Variants in POLRMT observed in about 807,000 individuals in gnomAD.
POLRMT encodes RNA polymerase mitochondrial, also known as DNA-directed RNA polymerase, mitochondrial.
A neutral mutation model predicts 132.2 loss-of-function variants in POLRMT; 114 were observed. The observed-to-expected ratio is 0.86, with a 90% CI of 0.74 to 1.01. The LOEUF (loss-of-function observed/expected upper bound fraction) is 1.01, where lower values mean the gene tolerates loss of function less well. Among genes scored for constraint, POLRMT ranks in the 50% least tolerant of loss-of-function variants. The probability of loss-of-function intolerance (pLI) is 0.00; values close to 1 mark genes in which losing one functional copy is unlikely to be tolerated. For missense variants in POLRMT, 2,003 were observed against 1,729.1 expected, an observed-to-expected ratio of 1.16 and a Z score of -2.81; for synonymous variants, 1,020 against 773.4, an observed-to-expected ratio of 1.32 and a Z score of -5.29.
chr19:622,782 G>GT, intron 7 of POLRMT, 30 bp from the exon 8 acceptor site: 1 of 1,565,552 alleles, frequency 6.4e-7, no homozygotes, highest in Non-Finnish European at 8.6e-7. Flanking sequence ...GTGCCTGCCC[G>GT]CCCCGCCCGG....
chr19:618,607 G>A (rs371095580), intron 16 of POLRMT, 21 bp from the exon 17 acceptor site: 47 of 1,602,948 alleles, frequency 2.9e-5, no homozygotes, highest in African/African-American at 1.7e-4. Flanking sequence ...AACAGGTGCC[G>A]GTGGGGGCGG....
rs1030107696 is a variant in POLRMT at position 622,765 on chromosome 19, G to A, written c.1456-13C>T. 4 of 1,574,394 alleles carry A rather than the reference G, an allele frequency of 2.5e-6. No homozygotes were observed. In the South Asian group the frequency reaches 3.5e-5, roughly 14 times the overall value. The stretch of plus-strand genomic sequence containing the variant: ...GCGCCTGCAGGACCTGCGGAAGGCA[G>A]CCGTGAGTGCCTGCCCGCCCCGCCC... On this transcript the variant is annotated splice_polypyrimidine_tract_variant and intron_variant, in intron 7 of 20. Coordinates refer to ENST00000588649, the MANE Select transcript of POLRMT (RefSeq NM_005035.4).
At chr19:627,150 T>A (rs951194050) in intron 3 of POLRMT, among the ~76,000 whole-genome samples, 1 of 88,786 alleles carries the variant, frequency 1.1e-5, no homozygotes, top group African/African-American at 4.9e-5. Flanking sequence ...TTTGGGGCAT[T>A]TTTTTTTTTT....
In POLRMT at chr19:633,398, C is replaced by G. The variant is rs899051340; in HGVS notation, c.88+27G>C. On this transcript the variant is annotated intron_variant, in intron 1 of 20. Transcript: ENST00000588649. ...AGGAGCCCACGCCGTGGCCCCCGGG[C>G]TGCCTGGCCGTCTCCCTTTGTGTTA... The G allele has an allele frequency of 7.4e-6, 11 of 1,495,052 alleles. No homozygotes were observed. In the African/African-American group the frequency reaches 1.6e-4, roughly 22 times the overall value. 92.6% of individuals were successfully genotyped at this position (1,495,052 alleles called of 1,614,324 possible). A position where few individuals can be genotyped will look rare whatever the true frequency, so the allele number is the denominator to read the frequency against.
Position 617,607 on chromosome 19 carries a change from C to T in POLRMT, c.3544G>A (p.Asp1182Asn), listed in dbSNP as rs1171250017. The change falls in exon 19 of 21, where the codon GAC becomes AAC. Residue 1182 changes from aspartate to asparagine, a missense_variant. By Grantham distance (23) the Asp-to-Asn change is conservative. Transcript: ENST00000588649. ...CGCTTGACCAGGAATCTGGACAGGT[C>T]CTGCAGGATGGGCTCGCTGTGCAAG... Reference protein sequence around the residue: ...VRLHSEPILQDLSRFLVKRFC... With the variant: ...VRLHSEPILQNLSRFLVKRFC... The T allele has an allele frequency of 6.2e-7, 1 of 1,612,318 alleles. No individual in the cohort carries two copies. The highest frequency in any genetic ancestry group is 8.5e-7 in the Non-Finnish European group (1 of 1,179,988).
chr19:629,946 C>G lies in POLRMT; in HGVS notation c.416G>C (p.Arg139Pro). ...TGGCATCTGCAGCTTCGCCTTCAACCGCTGCATACGCATCTGCTGGGTCCG... is the reference window on the plus strand; with the variant it reads ...TGGCATCTGCAGCTTCGCCTTCAACGGCTGCATACGCATCTGCTGGGTCCG... ...DKRTQQMRMQRLKAKLQMPFQ... is the reference protein window; with the variant it reads ...DKRTQQMRMQPLKAKLQMPFQ... The change falls in exon 3 of 21, where the codon CGG becomes CCG. Residue 139 changes from arginine to proline, a missense_variant. Coordinates refer to ENST00000588649, the MANE Select transcript of POLRMT (RefSeq NM_005035.4). 1 of 1,613,742 alleles carries G rather than the reference C, an allele frequency of 6.2e-7. No individual in the cohort carries two copies. The highest frequency in any genetic ancestry group is 1.1e-5 in the South Asian group (1 of 91,070).
Position 625,458 on chromosome 19 carries a change from C to A in POLRMT, c.823-204G>T. On this transcript the variant is annotated intron_variant, in intron 3 of 20. Transcript: ENST00000588649. ...CTGCAGAGGCAGCCGCATGGCCCGC[C>A]AGGTGGGACTGTGGGAGGTTCACGT... 2 of 596,550 alleles carry A rather than the reference C, an allele frequency of 3.4e-6. 1 individual carries two copies. The highest frequency in any genetic ancestry group is 4.9e-5 in the South Asian group (2 of 40,444). 37.0% of individuals were successfully genotyped at this position (596,550 alleles called of 1,614,324 possible). A position where few individuals can be genotyped will look rare whatever the true frequency, so the allele number is the denominator to read the frequency against.
chr19:633,085 GAC>G lies in POLRMT; in HGVS notation c.89-149_89-148del, dbSNP rs532534197. On this transcript the variant is annotated intron_variant, in intron 1 of 20. Coordinates refer to ENST00000588649, the MANE Select transcript of POLRMT (RefSeq NM_005035.4). ...CGGGCTTAAGTTGGAAAGAAACTAA[GAC>G]AGCGAAGGTGGAAGGGCCCCGCCGC... 1.7e-3 allele frequency: 1,106 copies of G among 667,004 alleles called. 17 individuals carry two copies. The South Asian group carries it at 0.025, about 15-fold the overall frequency. The allele number at this position is 667,004 out of a possible 1,614,324, so 41.3% of individuals were successfully genotyped here. A position where few individuals can be genotyped will look rare whatever the true frequency, so the allele number is the denominator to read the frequency against.
At position 630,148 on chromosome 19, in the gene POLRMT, G is replaced by A; in HGVS notation, c.214C>T (p.Gln72Ter). 6.3e-7 allele frequency: 1 copy of A among 1,599,732 alleles called. No homozygotes were observed. The highest frequency in any genetic ancestry group is 8.5e-7 in the Non-Finnish European group (1 of 1,171,444). Residue 72 changes from glutamine (Q) to a stop codon, truncating the protein, a stop_gained, in exon 3 of 21, where the codon CAG becomes TAG. Transcript: ENST00000588649. LOFTEE classifies it high-confidence loss of function. Reference sequence around the variant, plus strand: ...TCCGACACGCTCTCAGCCTGCAGCTGCCGCACCCGCGCCTGGAGCACTGTG... The same window carrying A: ...TCCGACACGCTCTCAGCCTGCAGCTACCGCACCCGCGCCTGGAGCACTGTG... ...LLEVLQARVR[Q>*]LQAESVSEVV...
intron 3 of POLRMT, among the ~76,000 whole-genome samples, chr19:629,285 A>G (rs74767722): frequency 0.016 from 2,398 of 152,262 alleles, 73 homozygotes; most frequent in African/African-American, 0.055. Context: ...ACCCCTGCCC[A>G]GACAGATTCA....
At chr19:625,286 G>A (rs1568172621) in intron 3 of POLRMT, 32 bp from the exon 4 acceptor site, 1 of 1,611,834 alleles carries the variant, frequency 6.2e-7, no homozygotes, top group Non-Finnish European at 8.5e-7. Flanking sequence ...AGGGTCTGGG[G>A]GGATGGCCCA....
intron 3 of POLRMT, among the ~76,000 whole-genome samples, chr19:628,442 C>T (rs553340657): frequency 3.9e-5 from 6 of 152,326 alleles, no homozygotes; most frequent in East Asian, 3.9e-4. Context: ...CGGACTTCAC[C>T]GCAAGACTGG....
intron 17 of POLRMT, 103 bp from the exon 18 acceptor site, chr19:617,952 G>A: frequency 9.3e-7 from 1 of 1,078,836 alleles, no homozygotes; most frequent in Non-Finnish European, 1.4e-6. Flanking sequence ...GAGGTCCAGG[G>A]AAGCCCACCC....
chr19:619,359 C>G lies in POLRMT; in HGVS notation c.3067-63G>C. ...CTGGCCCGTTCACGCCCTACTCCCC[C>G]CTATTTCAGAGCCACTGAGGCCCAA... On this transcript the variant is annotated intron_variant, in intron 13 of 20. Coordinates refer to ENST00000588649, the MANE Select transcript of POLRMT (RefSeq NM_005035.4). The G allele has an allele frequency of 2.6e-6, 4 of 1,549,302 alleles. No individual in the cohort carries two copies. In the South Asian group the frequency reaches 3.4e-5, roughly 13 times the overall value.
At chr19:622,018 G>A in intron 9 of POLRMT, 131 bp downstream of exon 9, 2 of 1,148,880 alleles carry the variant, frequency 1.7e-6, no homozygotes, top group Non-Finnish European at 2.4e-6. Flanking sequence ...GACACCCATG[G>A]TGTGTCCCGA....
chr19:629,207 T>C (rs1985230251), intron 3 of POLRMT, among the ~76,000 whole-genome samples: 2 of 151,282 alleles, frequency 1.3e-5, no homozygotes, highest in East Asian at 3.9e-4. Flanking sequence ...AGGAGCAAAG[T>C]CAACCCCAAC....
intron 2 of POLRMT, among the ~76,000 whole-genome samples, chr19:632,422 T>C (rs2144715219): frequency 6.6e-6 from 1 of 152,200 alleles, no homozygotes; most frequent in Non-Finnish European, 1.5e-5. Flanking sequence ...CCCTCCCAAG[T>C]TTCGCAGTCA....
intron 3 of POLRMT, among the ~76,000 whole-genome samples, chr19:628,222 C>T (rs906626685): frequency 3.9e-5 from 6 of 152,178 alleles, no homozygotes; most frequent in Admixed American, 6.5e-5. Flanking sequence ...TTCTGCTGTG[C>T]AAGCCGCCAG....
In POLRMT at chr19:619,296, C is replaced by T. The variant is rs1467805034; in HGVS notation, c.3067G>A (p.Glu1023Lys). The T allele has an allele frequency of 6.2e-7, 1 of 1,608,924 alleles. No individual in the cohort carries two copies. Among genetic ancestry groups the T allele is most frequent in the African/African-American group, 1.3e-5 (1 of 74,358 alleles). The change falls in exon 14 of 21, where the codon GAG (glutamate) becomes AAG (lysine). Residue 1023 changes from glutamate (E) to lysine (K), a missense_variant and splice_region_variant. Coordinates refer to ENST00000588649, the MANE Select transcript of POLRMT (RefSeq NM_005035.4). ...TAGTGAGAGGCCTCCCACACGAACT[C>T]CTGCAGAGGGCGGGCAGCAGGTGCA... ...RLRELSDFPQ[E>K]FVWEASHYLV...
Sources: allele counts gnomAD v4.1 joint callset (sites outside exome capture counted in the v4.1 genomes callset), GRCh38; gene constraint gnomAD v4.1.1; transcripts MANE v1.5; gene names NCBI Gene and HGNC (gene_info 2026-07-23, HGNC 2026-07-21).